The following PREX1 variants were observed in gnomAD, a reference collection of about 807,000 sequenced individuals.
PREX1 encodes phosphatidylinositol 3,4,5-trisphosphate-dependent Rac exchanger 1 protein.
PREX1 carries 41 observed loss-of-function variants against 198.3 expected under a neutral mutation model. The observed-to-expected ratio is 0.21, with a 90% CI of 0.16 to 0.27. PREX1 has a LOEUF of 0.27. Ranked by LOEUF, PREX1 falls within the 10% of genes least tolerant of loss-of-function variation. The pLI, the probability that PREX1 is intolerant of heterozygous loss-of-function variation, is 1.00. For synonymous variants in PREX1, 843 were observed against 887.2 expected, an observed-to-expected ratio of 0.95 and a Z score of 0.89; for missense variants, 1,620 against 2,200.7, an observed-to-expected ratio of 0.74 and a Z score of 5.28.
In PREX1 at chr20:48,762,330, T is replaced by C. The variant is rs1225638945; in HGVS notation, c.220-14450A>G. On this transcript the variant is annotated intron_variant, in intron 1 of 39. Transcript: ENST00000371941. ...TTCTAGCAGAGATTCTCAACTTTGG[T>C]ACCTTGACAGTTCAGTGGATAGTTC... Among the ~76,000 whole-genome samples the C allele has an allele frequency of 2.6e-5, 4 of 152,174 alleles. No individual in the cohort carries two copies. The East Asian group carries it at 5.8e-4, about 22-fold the overall frequency.
intron 2 of PREX1, among the ~76,000 whole-genome samples, chr20:48,746,062 G>T (rs1046143330): frequency 1.3e-5 from 2 of 152,172 alleles, no homozygotes; most frequent in Non-Finnish European, 2.9e-5. Context: ...CGCCCAGGCT[G>T]GAGTGTGAAG....
At chr20:48,757,935 C>A (rs1019938550) in intron 1 of PREX1, among the ~76,000 whole-genome samples, 3 of 152,208 alleles carry the variant, frequency 2.0e-5, no homozygotes, top group Non-Finnish European at 4.4e-5. Flanking sequence ...ATCAACTCTG[C>A]CTGTGGCTAT....
chr20:48,838,168 G>A, the PREX1 span, among the ~76,000 whole-genome samples: 1 of 152,156 alleles, frequency 6.6e-6, no homozygotes, highest in South Asian at 2.1e-4. Flanking sequence ...GCCGCACAAA[G>A]GCTTAAGCGG....
chr20:48,711,623 C>T (rs2089931378), intron 5 of PREX1, among the ~76,000 whole-genome samples: 1 of 152,210 alleles, frequency 6.6e-6, no homozygotes, highest in African/African-American at 2.4e-5. Context: ...CAAGTATCCT[C>T]ATTTCACTGA....
At chr20:48,812,717 C>T (rs980935923) in intron 1 of PREX1, among the ~76,000 whole-genome samples, 20 of 152,156 alleles carry the variant, frequency 1.3e-4, no homozygotes, top group African/African-American at 4.6e-4. Flanking sequence ...GAGGCACACA[C>T]AGATGGAGCA....
intron 33 of PREX1, 108 bp from the exon 34 acceptor site, chr20:48,632,747 G>C: frequency 8.0e-7 from 1 of 1,248,186 alleles, no homozygotes; most frequent in Non-Finnish European, 1.1e-6. Flanking sequence ...CAGGTCCAGG[G>C]GGGCACCCTG....
At chr20:48,703,023 T>A (rs1454377989) in intron 6 of PREX1, among the ~76,000 whole-genome samples, 1 of 152,192 alleles carries the variant, frequency 6.6e-6, no homozygotes, top group Non-Finnish European at 1.5e-5. Flanking sequence ...CAAAATCTCC[T>A]TCCCCAAACA....
chr20:48,797,127 T>C (rs73260226), intron 1 of PREX1, among the ~76,000 whole-genome samples: 2,565 of 152,170 alleles, frequency 0.017, 81 homozygotes, highest in African/African-American at 0.06. Flanking sequence ...AAAGGACTGA[T>C]CACGGTGGAA....
At chr20:48,704,273 C>T (rs1287754838) in intron 6 of PREX1, among the ~76,000 whole-genome samples, 1 of 152,220 alleles carries the variant, frequency 6.6e-6, no homozygotes. Context: ...CGAAGACAAC[C>T]TGAAGATTTT....
the PREX1 span, among the ~76,000 whole-genome samples, chr20:48,862,790 AATAT>A: frequency 8.8e-4 from 90 of 102,544 alleles, 1 homozygote; most frequent in South Asian, 0.019. Flanking sequence ...TAAAAAAAAA[AATAT>A]ATATATATAT....
chr20:48,820,074 T>C (rs1247640363), intron 1 of PREX1, among the ~76,000 whole-genome samples: 1 of 152,224 alleles, frequency 6.6e-6, no homozygotes, highest in African/African-American at 2.4e-5. Flanking sequence ...AATCAAGGGA[T>C]CGTCTGTCAG....
Position 48,827,561 on chromosome 20 carries a change from C to T in PREX1, c.219+81G>A. 1 of 1,065,106 alleles carries T rather than the reference C, an allele frequency of 9.4e-7. No individual in the cohort carries two copies. The highest frequency in any genetic ancestry group is 4.5e-5 in the South Asian group (1 of 22,380). 66.0% of individuals were successfully genotyped at this position (1,065,106 alleles called of 1,614,324 possible). A position where few individuals can be genotyped will look rare whatever the true frequency, so the allele number is the denominator to read the frequency against. ...CGAGGCAATTCTCCACCCACGGGGA[C>T]CACGGCCACAGGTTGTGGGGACCGC... On this transcript the variant is annotated intron_variant, in intron 1 of 39. Transcript: ENST00000371941. The surrounding 1 kb of genome is among the most constrained non-coding windows in gnomAD (Gnocchi z 4.1).
intron 1 of PREX1, among the ~76,000 whole-genome samples, chr20:48,771,434 C>A (rs112166555): frequency 6.6e-6 from 1 of 151,864 alleles, no homozygotes; most frequent in Non-Finnish European, 1.5e-5. Context: ...AAGTGTTTTG[C>A]CAAAGGGTTT....
chr20:48,831,831 C>T (rs1411074982), upstream of PREX1, among the ~76,000 whole-genome samples: 6 of 152,126 alleles, frequency 3.9e-5, no homozygotes, highest in African/African-American at 1.2e-4. Context: ...AGCCAGGGGC[C>T]TCAGCCTTGG....
Position 48,666,342 on chromosome 20 carries a change from G to T in PREX1, c.1679C>A (p.Thr560Asn). 6.4e-7 allele frequency: 1 copy of T among 1,562,904 alleles called. No individual in the cohort carries two copies. Residue 560 changes from threonine (T) to asparagine (N), a missense_variant, in exon 15 of 40, where the codon ACT (threonine) becomes AAT (asparagine). Physicochemically the swap from Thr to Asn is moderately conservative, Grantham distance 65. Around this residue, in one of 7 missense-constraint regions of PREX1, gnomAD observed 488 missense variants for 802.5 expected, o/e 0.61. Coordinates refer to ENST00000371941, the MANE Select transcript of PREX1 (RefSeq NM_020820.4). This position sits in a 1 kb window ranked among gnomAD's most constrained non-coding sequence, Gnocchi z 4.3. The part of the protein sequence containing the change: ...DWLLAQGDCQ[T>N]REEAVALGVG... ...GCCGAGCGCCACTGCCTCCTCCCGA[G>T]TCTGGCAGTCTCCCTGGAATGGAAC...
At chr20:48,713,189 C>T (rs182845337) in intron 5 of PREX1, among the ~76,000 whole-genome samples, 4 of 151,928 alleles carry the variant, frequency 2.6e-5, no homozygotes, top group Non-Finnish European at 4.4e-5. Flanking sequence ...TGGTGGCTCA[C>T]GCCTGTGATC....
At position 48,681,237 on chromosome 20, in the gene PREX1, T is replaced by C. The variant is rs780457608; in HGVS notation, c.1433A>G (p.His478Arg). Residue 478 changes from histidine (H) to arginine (R), a missense_variant and splice_region_variant, in exon 11 of 40, where the codon CAT (histidine) becomes CGT (arginine). Coordinates refer to ENST00000371941, the MANE Select transcript of PREX1 (RefSeq NM_020820.4). Reference protein sequence around the residue: ...QALLENGIIHHVSDKHQFKNE... With the variant: ...QALLENGIIHRVSDKHQFKNE... ...GCTGGGCCCAGCCCTCCACTCACCA[T>C]GGTGGATGATGCCATTCTCCAACAG... 1 of 1,613,736 alleles carries C rather than the reference T, an allele frequency of 6.2e-7. No homozygotes were observed. Among genetic ancestry groups the C allele is most frequent in the South Asian group, 1.1e-5 (1 of 91,076 alleles).
intron 1 of PREX1, among the ~76,000 whole-genome samples, chr20:48,749,674 T>A (rs923751170): frequency 1.1e-4 from 16 of 152,140 alleles, no homozygotes; most frequent in African/African-American, 3.6e-4. Flanking sequence ...ACAGTCCACA[T>A]GGCGAGTCAC....
At chr20:48,681,196 C>A in intron 11 of PREX1, 39 bp downstream of exon 11, 1 of 1,569,568 alleles carries the variant, frequency 6.4e-7, no homozygotes, top group Non-Finnish European at 8.8e-7. Flanking sequence ...CTGACCTGTT[C>A]CCACCCCTTG....
Sources: gnomAD v4.1 joint callset for allele counts (sites outside exome capture counted in the v4.1 genomes callset) on GRCh38, gnomAD v4.1.1 for gene constraint, gnomAD v4.1.1 regional missense constraint, Gnocchi (gnomAD v3.1) non-coding constraint, MANE v1.5 for transcripts, NCBI Gene and HGNC (gene_info 2026-07-23, HGNC 2026-07-21) for gene names.